CSMD1: variants seen among roughly 807,000 people sequenced by gnomAD.
CSMD1 encodes the protein CUB and sushi domain-containing protein 1.
In CSMD1, 213 loss-of-function variants were observed where a neutral mutation model predicts 417.5. That is an observed-to-expected ratio of 0.51 (90% CI 0.46 to 0.57). The LOEUF (loss-of-function observed/expected upper bound fraction) is 0.57, where lower values mean the gene tolerates loss of function less well. Ranked by LOEUF, CSMD1 falls within the 20% of genes least tolerant of loss-of-function variation. The pLI is 0.00. For synonymous variants in CSMD1, 2,862 were observed against 1,736.8 expected, an observed-to-expected ratio of 1.65 and a Z score of -16.11; for missense variants, 6,923 against 4,529.7, an observed-to-expected ratio of 1.53 and a Z score of -15.17.
rs1554452249 is a variant in CSMD1, at chr8:3,520,039, T to TACACAC, written c.1345-26314_1345-26313insGTGTGT. ...ATATACCTATATATATATATATATA[T>TACACAC]ACACGTATAGTTGTGAAACTTGCTC... On this transcript the variant is annotated intron_variant, in intron 10 of 69. Coordinates refer to ENST00000635120, the MANE Select transcript of CSMD1 (RefSeq NM_033225.6). Among the ~76,000 whole-genome samples the TACACAC allele has an allele frequency of 8.2e-5, 12 of 147,184 alleles. No homozygotes were observed. In the South Asian group the frequency reaches 1.7e-3, roughly 21 times the overall value.
At chr8:3,679,543 T>A (rs1001387110) in intron 7 of CSMD1, among the ~76,000 whole-genome samples, 1 of 152,108 alleles carries the variant, frequency 6.6e-6, no homozygotes, top group Non-Finnish European at 1.5e-5. Flanking sequence ...AGCAAGTCCT[T>A]AGAGACCTAC....
intron 1 of CSMD1, among the ~76,000 whole-genome samples, chr8:4,809,332 C>T (rs139555610): frequency 3.4e-4 from 52 of 152,228 alleles, no homozygotes; most frequent in East Asian, 2.1e-3. Flanking sequence ...CAAGAGTTTC[C>T]GGTGTATCAC....
chr8:4,495,515 C>T (rs1473304185), intron 2 of CSMD1, among the ~76,000 whole-genome samples: 1 of 151,940 alleles, frequency 6.6e-6, no homozygotes, highest in Non-Finnish European at 1.5e-5. Flanking sequence ...GCAGAAGTTG[C>T]AGTGAGCCAG....
chr8:3,585,481 A>G (rs986190569), intron 9 of CSMD1, among the ~76,000 whole-genome samples: 4 of 152,140 alleles, frequency 2.6e-5, no homozygotes, highest in African/African-American at 9.7e-5. Flanking sequence ...TATTATTTTC[A>G]TTTTAAAACA....
chr8:3,641,804 T>C (rs893614060), intron 7 of CSMD1, among the ~76,000 whole-genome samples: 1 of 152,218 alleles, frequency 6.6e-6, no homozygotes, highest in African/African-American at 2.4e-5. Flanking sequence ...AAACCATCTG[T>C]TGTGACCTTT....
chr8:3,375,511 A>G (rs1172140309), intron 18 of CSMD1, among the ~76,000 whole-genome samples: 1 of 152,030 alleles, frequency 6.6e-6, no homozygotes, highest in Non-Finnish European at 1.5e-5. Flanking sequence ...TCCATGCCCT[A>G]CAGAAGTCGC....
chr8:3,740,361 T>C (rs762185379), intron 6 of CSMD1, among the ~76,000 whole-genome samples: 18 of 152,112 alleles, frequency 1.2e-4, no homozygotes, highest in East Asian at 1.9e-4. Flanking sequence ...CTTCCTTTCA[T>C]TGGGCAGCAC....
chr8:3,009,722 G>C (rs1330853214), intron 52 of CSMD1, among the ~76,000 whole-genome samples: 1 of 152,150 alleles, frequency 6.6e-6, no homozygotes, highest in African/African-American at 2.4e-5. Context: ...TATGCATATG[G>C]TATCACAGAG....
At chr8:4,012,589 A>G (rs1209026890) in intron 4 of CSMD1, among the ~76,000 whole-genome samples, 1 of 152,082 alleles carries the variant, frequency 6.6e-6, no homozygotes, top group South Asian at 2.1e-4. Context: ...TCCTCCCCTC[A>G]GTAGGCCTCA....
chr8:2,956,557 C>T (rs1362187962), intron 63 of CSMD1, among the ~76,000 whole-genome samples: 1 of 152,100 alleles, frequency 6.6e-6, no homozygotes, highest in Admixed American at 6.5e-5. Flanking sequence ...GGGTTCACGC[C>T]ATTCTCCTGA....
chr8:3,118,310 A>G (rs1203718106), intron 42 of CSMD1, 89 bp downstream of exon 42: 1 of 907,466 alleles, frequency 1.1e-6, no homozygotes, highest in East Asian at 2.7e-5. Context: ...GAATACATTA[A>G]TAAATTACTG....
intron 5 of CSMD1, among the ~76,000 whole-genome samples, chr8:3,787,477 G>A (rs902481642): frequency 6.6e-6 from 1 of 151,950 alleles, no homozygotes; most frequent in African/African-American, 2.4e-5. Context: ...ACAAAGTAGT[G>A]ATTAATCAAA....
intron 3 of CSMD1, among the ~76,000 whole-genome samples, chr8:4,407,074 A>T (rs1805077290): frequency 6.6e-6 from 1 of 152,162 alleles, no homozygotes; most frequent in South Asian, 2.1e-4. Flanking sequence ...TCACTCAAGT[A>T]TTGTCTATGG....
chr8:3,990,492 C>G (rs1334379717), intron 5 of CSMD1, among the ~76,000 whole-genome samples: 2 of 152,120 alleles, frequency 1.3e-5, no homozygotes, highest in African/African-American at 4.8e-5. Context: ...ACTCCTCAGT[C>G]TGGACAATTT....
chr8:4,459,631 A>C (rs888985648), intron 2 of CSMD1, among the ~76,000 whole-genome samples: 3 of 152,220 alleles, frequency 2.0e-5, no homozygotes, highest in African/African-American at 7.2e-5. Flanking sequence ...TGTGGGTTAG[A>C]ACAAACCTCA....
At chr8:3,837,954 C>T (rs1014920072) in intron 5 of CSMD1, among the ~76,000 whole-genome samples, 8 of 152,058 alleles carry the variant, frequency 5.3e-5, no homozygotes, top group East Asian at 1.9e-4. Context: ...TAATTTATTT[C>T]TTATTTTTCA....
intron 36 of CSMD1, chr8:3,182,872 G>GTGTGTGTGTGTGTGTC (rs1821473915): frequency 1.5e-5 from 2 of 136,782 alleles, no homozygotes; most frequent in Non-Finnish European, 3.1e-5. Context: ...GTGTGTGTGT[G>GTGTGTGTGTGTGTGTC]TGTGTGTGTG....
chr8:4,345,827 C>T (rs1014703796), intron 3 of CSMD1, among the ~76,000 whole-genome samples: 4 of 152,090 alleles, frequency 2.6e-5, no homozygotes, highest in East Asian at 1.9e-4. Flanking sequence ...GAGGTCATCC[C>T]GAGCAGCGAC....
At chr8:4,238,547 G>C (rs149685812) in intron 3 of CSMD1, among the ~76,000 whole-genome samples, 2 of 152,162 alleles carry the variant, frequency 1.3e-5, no homozygotes, top group Non-Finnish European at 2.9e-5. Flanking sequence ...GGTTGATTCT[G>C]CTGGTGATTA....
Sources: allele counts gnomAD v4.1 joint callset (sites outside exome capture counted in the v4.1 genomes callset), GRCh38; gene constraint gnomAD v4.1.1; transcripts MANE v1.5; gene names NCBI Gene and HGNC (gene_info 2026-07-23, HGNC 2026-07-21).